ANO3: variants seen among roughly 807,000 people sequenced by gnomAD.
ANO3 encodes the protein anoctamin 3, also known as anoctamin-3.
A neutral mutation model predicts 144.8 loss-of-function variants in ANO3; 99 were observed. That is an observed-to-expected ratio of 0.68 (90% CI 0.58 to 0.81). ANO3 has a LOEUF of 0.81. ANO3 is among the 30% of genes least tolerant of loss of function. The pLI is 0.00. For missense variants in ANO3, 905 were observed against 1,202.2 expected (o/e 0.75, Z 3.66); for synonymous variants, 414 against 392.6 (o/e 1.05, Z -0.64).
chr11:26,582,573 A>T (rs1851163071), intron 14 of ANO3, among the ~76,000 whole-genome samples: 1 of 152,200 alleles, frequency 6.6e-6, no homozygotes, highest in Non-Finnish European at 1.5e-5. Flanking sequence ...GTAAATTAAC[A>T]ATTAGTATGG....
intron 1 of ANO3, among the ~76,000 whole-genome samples, chr11:26,372,217 C>G (rs898106075): frequency 1.3e-5 from 2 of 152,090 alleles, no homozygotes; most frequent in Admixed American, 6.5e-5. Context: ...GGAGCTTCCC[C>G]CTTTGCTCAG....
chr11:26,645,338 A>G (rs979849435), intron 23 of ANO3, among the ~76,000 whole-genome samples: 2 of 151,944 alleles, frequency 1.3e-5, no homozygotes, highest in Non-Finnish European at 2.9e-5. Context: ...ATTTAATTAT[A>G]TTTATATAAT....
chr11:26,535,261 T>C (rs1849476022), intron 9 of ANO3, among the ~76,000 whole-genome samples: 1 of 152,222 alleles, frequency 6.6e-6, no homozygotes, highest in Admixed American at 6.5e-5. Flanking sequence ...CTAAATTTCT[T>C]TGTTGTTTAA....
At chr11:26,410,426 T>C (rs1565008776) in intron 1 of ANO3, among the ~76,000 whole-genome samples, 1 of 151,884 alleles carries the variant, frequency 6.6e-6, no homozygotes, top group East Asian at 1.9e-4. Flanking sequence ...ATACTTCCTT[T>C]GTAATATAAA....
intron 1 of ANO3, among the ~76,000 whole-genome samples, chr11:26,197,063 C>T (rs1260898959): frequency 6.6e-6 from 1 of 152,212 alleles, no homozygotes; most frequent in Non-Finnish European, 1.5e-5. Context: ...TGTAAGCACA[C>T]TGCCTAAACT....
chr11:26,516,931 C>G lies in ANO3; in HGVS notation c.692+4C>G. 6.3e-7 allele frequency: 1 copy of G among 1,580,718 alleles called. No individual in the cohort carries two copies. The highest frequency in any genetic ancestry group is 1.1e-5 in the South Asian group (1 of 88,978). On this transcript the variant is annotated splice_donor_region_variant and intron_variant, in intron 6 of 26. Coordinates refer to ENST00000256737, the MANE Select transcript of ANO3 (RefSeq NM_031418.4). The stretch of plus-strand genomic sequence containing the variant: ...TGAATATCAGGATGCCCTTCAGGTA[C>G]TTTCAAATTTTACTTTATTTTATCT...
At chr11:26,458,336 C>T (rs928866563) in intron 3 of ANO3, among the ~76,000 whole-genome samples, 6 of 152,022 alleles carry the variant, frequency 3.9e-5, no homozygotes, top group Admixed American at 1.3e-4. Flanking sequence ...TTGACTGACG[C>T]TAATACTAAC....
chr11:26,477,127 G>A (rs1860014380), intron 4 of ANO3, among the ~76,000 whole-genome samples: 1 of 152,090 alleles, frequency 6.6e-6, no homozygotes, highest in Admixed American at 6.6e-5. Context: ...TGTGTGCACA[G>A]ATGCGTGCAT....
intron 1 of ANO3, among the ~76,000 whole-genome samples, chr11:26,320,236 T>C (rs1018422515): frequency 6.6e-5 from 10 of 152,232 alleles, no homozygotes; most frequent in African/African-American, 2.2e-4. Flanking sequence ...GTTAGTATTA[T>C]TCTCTAATTA....
chr11:26,540,086 A>G (rs147724931), intron 10 of ANO3, among the ~76,000 whole-genome samples: 9 of 152,270 alleles, frequency 5.9e-5, no homozygotes, highest in Non-Finnish European at 1.3e-4. Flanking sequence ...ACTCTGCTCT[A>G]TAAGGCATAT....
rs1411671821 is a variant in ANO3, at chr11:26,247,111, TTTC to T, written c.154+57786_154+57788del. ...TTAATGTTGTTCAATTTAAAAATGA[TTTC>T]TTCTGATGAATCAGAATTTTTGACT... On this transcript the variant is annotated intron_variant, in intron 1 of 27. Coordinates refer to the ANO3 transcript ENST00000672621. 3.3e-5 allele frequency among the ~76,000 whole-genome samples: 5 copies of T among 152,380 alleles called. No individual in the cohort carries two copies. The East Asian group carries it at 9.6e-4, about 29-fold the overall frequency.
intron 1 of ANO3, among the ~76,000 whole-genome samples, chr11:26,286,636 G>A (rs947379082): frequency 1.3e-5 from 2 of 152,164 alleles, no homozygotes; most frequent in Non-Finnish European, 2.9e-5. Flanking sequence ...GGCAAAGCCT[G>A]AGTGTCTGCA....
chr11:26,557,752 A>G (rs990562268), intron 13 of ANO3, among the ~76,000 whole-genome samples: 1 of 152,144 alleles, frequency 6.6e-6, no homozygotes, highest in African/African-American at 2.4e-5. Flanking sequence ...CATTCACAGT[A>G]AGCTTGACTC....
At chr11:26,216,405 C>A (rs1852036752) in intron 1 of ANO3, among the ~76,000 whole-genome samples, 1 of 151,966 alleles carries the variant, frequency 6.6e-6, no homozygotes, top group African/African-American at 2.4e-5. Context: ...AATTTGGAAT[C>A]ATACTATGCA....
chr11:26,487,772 T>C (rs1860517315), intron 4 of ANO3, among the ~76,000 whole-genome samples: 1 of 152,200 alleles, frequency 6.6e-6, no homozygotes, highest in African/African-American at 2.4e-5. Flanking sequence ...CCTAGAGATT[T>C]GTGAAACTTT....
chr11:26,336,061 G>A (rs1855185193), intron 1 of ANO3, among the ~76,000 whole-genome samples: 1 of 152,114 alleles, frequency 6.6e-6, no homozygotes, highest in Non-Finnish European at 1.5e-5. Context: ...TAGACAACTG[G>A]GAGCATATGT....
At position 26,651,094 on chromosome 11, in the gene ANO3, A is replaced by C. The variant is rs186514527; in HGVS notation, c.2576+3238A>C. On this transcript the variant is annotated intron_variant, in intron 24 of 26. Coordinates refer to ENST00000256737, the MANE Select transcript of ANO3 (RefSeq NM_031418.4). ...ATAAAAATAAATGGTGATATTAACA[A>C]TTGTGAGTTTTTTCATGATCTATAG... is the stretch of plus-strand genomic sequence containing the variant. Among the ~76,000 whole-genome samples, 6 of 152,368 alleles carry C rather than the reference A, an allele frequency of 3.9e-5. No homozygotes were observed. The East Asian group carries it at 1.2e-3, about 29-fold the overall frequency.
chr11:26,400,861 C>A (rs5009323), intron 1 of ANO3, among the ~76,000 whole-genome samples: 1 of 80,442 alleles, frequency 1.2e-5, no homozygotes, highest in Non-Finnish European at 2.8e-5. Context: ...TATATATAGA[C>A]ACACACACAC....
At chr11:26,234,868 G>A (rs1446261011) in intron 1 of ANO3, among the ~76,000 whole-genome samples, 1 of 151,976 alleles carries the variant, frequency 6.6e-6, no homozygotes, top group East Asian at 1.9e-4. Flanking sequence ...AGAAAAGCTG[G>A]CAGTATAAAT....
Sources: allele counts gnomAD v4.1 joint callset (sites outside exome capture counted in the v4.1 genomes callset), GRCh38; gene constraint gnomAD v4.1.1; transcripts MANE v1.5; gene names NCBI Gene and HGNC (gene_info 2026-07-23, HGNC 2026-07-21).